The following KIAA1671 variants were observed in gnomAD, a reference collection of about 807,000 sequenced individuals.
The protein encoded by KIAA1671 is KIAA1671.
KIAA1671 carries 52 observed loss-of-function variants against 131.2 expected under a neutral mutation model. The ratio of observed to expected loss-of-function variants is 0.40; its 90% CI spans 0.32 to 0.50. The LOEUF is 0.50. Ranked by LOEUF, KIAA1671 falls within the 20% of genes least tolerant of loss-of-function variation. The probability of loss-of-function intolerance (pLI) is 0.73; values close to 1 mark genes in which losing one functional copy is unlikely to be tolerated. For missense variants in KIAA1671, 2,360 were observed against 2,364.2 expected (o/e 1.00, Z 0.04); for synonymous variants, 1,003 against 961.6 (o/e 1.04, Z -0.80).
intron 1 of KIAA1671, among the ~76,000 whole-genome samples, chr22:24,971,862 A>C (rs1922633071): frequency 6.6e-6 from 1 of 152,034 alleles, no homozygotes. Flanking sequence ...CAGTTTCCAG[A>C]GAGGTTTCTT....
chr22:25,186,847 C>T (rs1180123596), intron 11 of KIAA1671, among the ~76,000 whole-genome samples: 3 of 152,234 alleles, frequency 2.0e-5, no homozygotes, highest in African/African-American at 7.2e-5. Flanking sequence ...CAGTGCCTCC[C>T]TGCTCTGGTA....
At chr22:25,011,340 G>T (rs1925022666) in intron 1 of KIAA1671, 1 of 152,100 alleles carries the variant, frequency 6.6e-6, no homozygotes, top group South Asian at 2.1e-4. Context: ...GTAGAGATGG[G>T]GTTTCACTAT....
chr22:25,125,460 T>C lies in KIAA1671; in HGVS notation c.4531-45360T>C, dbSNP rs963281601. On this transcript the variant is annotated intron_variant, in intron 6 of 12. Coordinates refer to ENST00000358431, the MANE Select transcript of KIAA1671 (RefSeq NM_001145206.2). The stretch of plus-strand genomic sequence containing the variant: ...GACCAAGCATGGACTCCAGCCCAGG[T>C]CTGCTGACGTCTCATTTCTTGTGCC... 6.6e-5 allele frequency among the ~76,000 whole-genome samples: 10 copies of C among 152,284 alleles called. No homozygotes were observed. The East Asian group carries it at 1.9e-3, about 29-fold the overall frequency.
chr22:25,145,119 C>T (rs987117772), intron 6 of KIAA1671, among the ~76,000 whole-genome samples: 1 of 152,184 alleles, frequency 6.6e-6, no homozygotes, highest in Admixed American at 6.5e-5. Flanking sequence ...ACCTGACAGC[C>T]ACAGGGCCAG....
intron 1 of KIAA1671, among the ~76,000 whole-genome samples, chr22:24,958,542 TC>T (rs1921839515): frequency 6.6e-6 from 1 of 151,236 alleles, no homozygotes; most frequent in South Asian, 2.1e-4. Flanking sequence ...TCCCAGCTAC[TC>T]GGGAGGCTGA....
At chr22:25,057,973 AC>A (rs1347027405) in intron 6 of KIAA1671, 1 of 152,034 alleles carries the variant, frequency 6.6e-6, no homozygotes, top group African/African-American at 2.4e-5. Context: ...CCATCCTAGC[AC>A]CCTGTGGCAG....
chr22:25,047,553 A>G (rs1336409227), intron 5 of KIAA1671, among the ~76,000 whole-genome samples: 2 of 150,348 alleles, frequency 1.3e-5, no homozygotes, highest in African/African-American at 2.5e-5. Flanking sequence ...GCTCACTGCA[A>G]TCTCCACCTC....
intron 1 of KIAA1671, among the ~76,000 whole-genome samples, chr22:25,008,972 G>T (rs1028256631): frequency 6.6e-6 from 1 of 152,220 alleles, no homozygotes; most frequent in Non-Finnish European, 1.5e-5. Context: ...AGGAGCCAGT[G>T]GTTGCCTGAA....
chr22:25,114,021 A>C (rs1031821858), intron 6 of KIAA1671, among the ~76,000 whole-genome samples: 2 of 152,128 alleles, frequency 1.3e-5, no homozygotes, highest in Non-Finnish European at 2.9e-5. Context: ...ATTGGCATGA[A>C]TCCCCTAGGC....
At chr22:25,051,408 TC>T (rs1306672290) in intron 6 of KIAA1671, 3 of 152,224 alleles carry the variant, frequency 2.0e-5, no homozygotes, top group Non-Finnish European at 4.4e-5. Context: ...ATCAGTTTTT[TC>T]TTCTGTAAGA....
At chr22:25,153,686 C>T (rs1304046654) in intron 6 of KIAA1671, among the ~76,000 whole-genome samples, 1 of 152,180 alleles carries the variant, frequency 6.6e-6, no homozygotes, top group African/African-American at 2.4e-5. Context: ...AGTGTGTGCT[C>T]GCCCAGGAAG....
chr22:25,126,934 G>A (rs550012303), intron 6 of KIAA1671, among the ~76,000 whole-genome samples: 21 of 152,312 alleles, frequency 1.4e-4, no homozygotes, highest in Middle Eastern at 3.4e-3. Context: ...GAGCATATGT[G>A]TATCCCAGTT....
rs59114872 is a variant in KIAA1671, at chr22:25,169,707, G to A, written c.4531-1113G>A. ...GGGATTTATGGCCTTTCCACCGTGT[G>A]CCAGGCTTGGCCCTGTGGTCAGTTC... On this transcript the variant is annotated intron_variant, in intron 6 of 12. Transcript: ENST00000358431. Among the ~76,000 whole-genome samples the A allele has an allele frequency of 8.9e-3, 1,362 of 152,298 alleles. 23 individuals carry two copies. The highest frequency in any genetic ancestry group is 0.031 in the African/African-American group (1,269 of 41,572).
At chr22:25,121,238 G>A (rs557056986) in intron 6 of KIAA1671, among the ~76,000 whole-genome samples, 53 of 152,188 alleles carry the variant, frequency 3.5e-4, no homozygotes, top group African/African-American at 1.1e-3. Context: ...CGAGGCGGGC[G>A]GATCACAAGG....
Position 25,181,832 on chromosome 22 carries a change from C to T in KIAA1671, c.5199+9C>T. The T allele has an allele frequency of 6.4e-7, 1 of 1,550,802 alleles. No homozygotes were observed. Among genetic ancestry groups the T allele is most frequent in the Non-Finnish European group, 8.7e-7 (1 of 1,146,422 alleles). On this transcript the variant is annotated intron_variant, in intron 10 of 12. Transcript: ENST00000358431. ...ATCCGGCAGTGCTAAAGGTACCAGA[C>T]CTCTCACCAAGAGTCACCTGGTGGG...
At chr22:25,135,843 C>T (rs1351285790) in intron 6 of KIAA1671, among the ~76,000 whole-genome samples, 2 of 152,232 alleles carry the variant, frequency 1.3e-5, no homozygotes, top group East Asian at 3.8e-4. Flanking sequence ...GTACTGATGG[C>T]TGACGTGCAT....
chr22:25,069,140 G>A (rs1180782566), intron 6 of KIAA1671, among the ~76,000 whole-genome samples: 1 of 152,142 alleles, frequency 6.6e-6, no homozygotes. Flanking sequence ...TTGACCCTGT[G>A]AGTTTTGGTT....
intron 6 of KIAA1671, among the ~76,000 whole-genome samples, chr22:25,152,143 C>T (rs777370073): frequency 1.2e-4 from 18 of 152,214 alleles, no homozygotes; most frequent in Non-Finnish European, 1.5e-5. Flanking sequence ...TTTATTTCGT[C>T]AGGCCCTGAA....
rs558427971 is a variant in KIAA1671, at chr22:25,165,981, T to G, written c.4531-4839T>G. ...ATGCAGGTCCCGCAGGCCGTAACCC[T>G]TTCCCTAACCCCAGCCCTTACCCGG... On this transcript the variant is annotated intron_variant, in intron 6 of 12. Transcript: ENST00000358431. Among the ~76,000 whole-genome samples, 22 of 152,268 alleles carry G rather than the reference T, an allele frequency of 1.4e-4. No homozygotes were observed. The South Asian group carries it at 4.6e-3, about 32-fold the overall frequency.
Sources: gnomAD v4.1 joint callset for allele counts (sites outside exome capture counted in the v4.1 genomes callset) on GRCh38, gnomAD v4.1.1 for gene constraint, MANE v1.5 for transcripts, NCBI Gene and HGNC (gene_info 2026-07-23, HGNC 2026-07-21) for gene names.